ZNF277: variants seen among roughly 807,000 people sequenced by gnomAD.
ZNF277 encodes the protein zinc finger protein 277.
Under a neutral mutation model 60.7 loss-of-function variants are expected in ZNF277, and 55 were observed. The observed-to-expected ratio is 0.91, with a 90% CI of 0.73 to 1.13. ZNF277 has a LOEUF of 1.13. ZNF277 is among the 50% of genes most tolerant of loss of function. ZNF277 has a pLI of 0.00. For missense variants in ZNF277, 510 were observed against 523.0 expected (o/e 0.98, Z 0.24); for synonymous variants, 178 against 179.3 (o/e 0.99, Z 0.06).
At chr7:112,278,819 T>C (rs761163141) in intron 1 of ZNF277, among the ~76,000 whole-genome samples, 3 of 152,190 alleles carry the variant, frequency 2.0e-5, no homozygotes, top group Non-Finnish European at 4.4e-5. Context: ...TAAGTATATG[T>C]ACATTATTGT....
At chr7:112,323,329 C>T (rs1190082462) in intron 5 of ZNF277, among the ~76,000 whole-genome samples, 2 of 152,174 alleles carry the variant, frequency 1.3e-5, no homozygotes, top group Admixed American at 6.6e-5. Context: ...TTAGTATTGC[C>T]TCAGGCAGCT....
intron 1 of ZNF277, among the ~76,000 whole-genome samples, chr7:112,266,242 G>A (rs142242772): frequency 6.6e-6 from 1 of 152,014 alleles, no homozygotes; most frequent in South Asian, 2.1e-4. Context: ...CATCTCCTGG[G>A]TTCAAGGGAT....
intron 4 of ZNF277, among the ~76,000 whole-genome samples, chr7:112,316,149 T>C (rs1792838705): frequency 6.6e-6 from 1 of 152,114 alleles, no homozygotes; most frequent in Admixed American, 6.6e-5. Flanking sequence ...CTTTCAGCTG[T>C]CATGTTGTAA....
intron 1 of ZNF277, among the ~76,000 whole-genome samples, chr7:112,268,289 ACAG>A (rs1388625734): frequency 1.3e-5 from 2 of 151,816 alleles, no homozygotes; most frequent in Admixed American, 6.6e-5. Flanking sequence ...CACACAAAAC[ACAG>A]CTTAGTGACT....
At chr7:112,339,771 A>G (rs977043067) in intron 9 of ZNF277, 72 bp from the exon 10 acceptor site, 89 of 1,440,710 alleles carry the variant, frequency 6.2e-5, no homozygotes, top group Non-Finnish European at 7.8e-5. Context: ...TCCTGTGAAT[A>G]AGTTGTTTAT....
At chr7:112,337,160 A>G (rs1793350579) in intron 8 of ZNF277, among the ~76,000 whole-genome samples, 1 of 152,180 alleles carries the variant, frequency 6.6e-6, no homozygotes, top group Admixed American at 6.5e-5. Flanking sequence ...AGTATTTCAA[A>G]AAGGGAAATG....
At chr7:112,247,148 C>A (rs1398263454) in intron 1 of ZNF277, among the ~76,000 whole-genome samples, 1 of 152,192 alleles carries the variant, frequency 6.6e-6, no homozygotes, top group East Asian at 1.9e-4. Flanking sequence ...TCAGTCCACT[C>A]CCTGTCCCCC....
At chr7:112,337,701 C>A in intron 8 of ZNF277, 29 bp from the exon 9 acceptor site, 1 of 1,587,274 alleles carries the variant, frequency 6.3e-7, no homozygotes. Context: ...AGGGAATCTC[C>A]GTATTTTCTC....
chr7:112,301,585 G>T lies in ZNF277; in HGVS notation c.465+5274G>T, dbSNP rs530907584. ...GTATGTTAGGTACTTTCAGGATTCT[G>T]CTTCATGAACTAGGAATGGCAATCC... On this transcript the variant is annotated intron_variant, in intron 4 of 11. Transcript: ENST00000361822. 2.0e-5 allele frequency among the ~76,000 whole-genome samples: 3 copies of T among 152,198 alleles called. No homozygotes were observed. In the East Asian group the frequency reaches 5.8e-4, roughly 29 times the overall value.
At chr7:112,277,492 A>G (rs933224451) in intron 1 of ZNF277, among the ~76,000 whole-genome samples, 1 of 152,234 alleles carries the variant, frequency 6.6e-6, no homozygotes, top group Non-Finnish European at 1.5e-5. Context: ...CTCTCAATCA[A>G]GTGCCCACTG....
intron 1 of ZNF277, among the ~76,000 whole-genome samples, chr7:112,278,912 C>A (rs1791880075): frequency 6.6e-6 from 1 of 152,132 alleles, no homozygotes; most frequent in Admixed American, 6.5e-5. Flanking sequence ...TCCCCACTTT[C>A]CCCAGCCCTG....
chr7:112,329,736 T>G (rs915043466), intron 6 of ZNF277, among the ~76,000 whole-genome samples: 4 of 152,158 alleles, frequency 2.6e-5, no homozygotes, highest in Non-Finnish European at 5.9e-5. Context: ...ATGGGTGCAG[T>G]CAGTGCAAGT....
intron 1 of ZNF277, among the ~76,000 whole-genome samples, chr7:112,228,840 A>G (rs1367590782): frequency 6.6e-6 from 1 of 152,124 alleles, no homozygotes; most frequent in Non-Finnish European, 1.5e-5. Context: ...TTGTGGACAA[A>G]AGAATCAGGT....
chr7:112,300,026 A>C (rs757212409), intron 4 of ZNF277, among the ~76,000 whole-genome samples: 3 of 152,146 alleles, frequency 2.0e-5, no homozygotes. Context: ...CATCCTTCCT[A>C]GTCCTCCCTA....
intron 4 of ZNF277, among the ~76,000 whole-genome samples, chr7:112,305,091 T>C (rs1054820726): frequency 3.3e-5 from 5 of 152,130 alleles, no homozygotes; most frequent in African/African-American, 1.2e-4. Context: ...CTTGGAATGC[T>C]CTTCTCTAGA....
At chr7:112,299,043 G>GT (rs779697082) in intron 4 of ZNF277, among the ~76,000 whole-genome samples, 4 of 152,068 alleles carry the variant, frequency 2.6e-5, no homozygotes, top group Non-Finnish European at 5.9e-5. Flanking sequence ...AGCAGAGGCA[G>GT]TTTACAATAG....
At chr7:112,208,851 T>C (rs371880412) in intron 1 of ZNF277, among the ~76,000 whole-genome samples, 21 of 152,144 alleles carry the variant, frequency 1.4e-4, no homozygotes, top group African/African-American at 5.1e-4. Context: ...CGGCTAGTTT[T>C]TTGTATTTTT....
intron 1 of ZNF277, among the ~76,000 whole-genome samples, chr7:112,282,909 C>T (rs1424722000): frequency 6.6e-6 from 1 of 152,172 alleles, no homozygotes; most frequent in African/African-American, 2.4e-5. Context: ...AGTGGAATCT[C>T]CTTCATAGGG....
chr7:112,223,557 A>C (rs942254124), intron 1 of ZNF277, among the ~76,000 whole-genome samples: 8 of 152,212 alleles, frequency 5.3e-5, no homozygotes, highest in African/African-American at 1.9e-4. Context: ...TCCGGAGCCA[A>C]GATCACAGTT....
Sources: allele counts gnomAD v4.1 joint callset (sites outside exome capture counted in the v4.1 genomes callset), GRCh38; gene constraint gnomAD v4.1.1; transcripts MANE v1.5; gene names NCBI Gene and HGNC (gene_info 2026-07-23, HGNC 2026-07-21).